DTNA: variants seen among roughly 807,000 people sequenced by gnomAD.
DTNA encodes the protein dystrobrevin alpha.
Under a neutral mutation model 100.7 loss-of-function variants are expected in DTNA, and 43 were observed. The observed-to-expected ratio is 0.43, with a 90% CI of 0.33 to 0.55. The LOEUF is 0.55. DTNA is among the 20% of genes least tolerant of loss of function. The pLI is 0.04. For synonymous variants in DTNA, 349 were observed against 347.9 expected (o/e 1.00, Z -0.04); for missense variants, 798 against 953.9 (o/e 0.84, Z 2.15).
At chr18:34,521,004 A>G (rs911969418) in intron 1 of DTNA, among the ~76,000 whole-genome samples, 1 of 152,236 alleles carries the variant, frequency 6.6e-6, no homozygotes, top group African/African-American at 2.4e-5. Flanking sequence ...GCCATCACTT[A>G]TTGAGCATTC....
chr18:34,572,996 A>C (rs369346529), intron 1 of DTNA, among the ~76,000 whole-genome samples: 1 of 152,234 alleles, frequency 6.6e-6, no homozygotes, highest in Non-Finnish European at 1.5e-5. Context: ...TAAAATAGAA[A>C]TAATGATTTC....
chr18:34,814,320 G>A (rs1263992356), intron 6 of DTNA, among the ~76,000 whole-genome samples: 1 of 152,120 alleles, frequency 6.6e-6, no homozygotes, highest in Non-Finnish European at 1.5e-5. Context: ...ATTGGTAAAT[G>A]TGCTAATGCC....
chr18:34,604,632 G>A (rs988070442), intron 1 of DTNA, among the ~76,000 whole-genome samples: 2 of 152,158 alleles, frequency 1.3e-5, no homozygotes, highest in Non-Finnish European at 2.9e-5. Flanking sequence ...TAGAACATTT[G>A]GAATGCTGAA....
At chr18:34,765,883 A>C in intron 2 of DTNA, 78 bp from the exon 3 acceptor site, 1 of 1,372,756 alleles carries the variant, frequency 7.3e-7, no homozygotes, top group Non-Finnish European at 1.0e-6. Flanking sequence ...TCATATCTAC[A>C]GTTGTTTTAT....
At chr18:34,853,151 C>T (rs1416590570) in intron 15 of DTNA, among the ~76,000 whole-genome samples, 1 of 152,106 alleles carries the variant, frequency 6.6e-6, no homozygotes, top group Non-Finnish European at 1.5e-5. Flanking sequence ...TGTACTAGGT[C>T]GGTGCAAATG....
chr18:34,706,237 C>T (rs529299522), upstream of DTNA, among the ~76,000 whole-genome samples: 6 of 152,242 alleles, frequency 3.9e-5, no homozygotes, highest in East Asian at 9.6e-4. Flanking sequence ...CATGAGCCAC[C>T]GCTCCCAGCC....
At chr18:34,635,336 G>T (rs2148216002) in intron 1 of DTNA, among the ~76,000 whole-genome samples, 1 of 152,274 alleles carries the variant, frequency 6.6e-6, no homozygotes, top group African/African-American at 2.4e-5. Context: ...TGGGAATGCA[G>T]ATATTTCTTT....
At chr18:34,782,326 T>C (rs1037695620) in intron 3 of DTNA, among the ~76,000 whole-genome samples, 2 of 152,232 alleles carry the variant, frequency 1.3e-5, no homozygotes, top group Non-Finnish European at 2.9e-5. Context: ...ATGAAAGCCA[T>C]GGACCTATGT....
chr18:34,793,916 C>T (rs1277533020), intron 3 of DTNA, 121 bp from the exon 4 acceptor site: 2 of 976,082 alleles, frequency 2.0e-6, no homozygotes, highest in African/African-American at 3.2e-5. Context: ...TTATGTTGAC[C>T]CCCTGCAACA....
chr18:34,540,985 C>A (rs1458915627), intron 1 of DTNA, among the ~76,000 whole-genome samples: 1 of 151,988 alleles, frequency 6.6e-6, no homozygotes, highest in African/African-American at 2.4e-5. Context: ...CCTGTTAAGC[C>A]AATTTAGGAA....
At chr18:34,753,361 A>ATTTTTTTTTTTTTTTTTTTT (rs751756097) in intron 1 of DTNA, among the ~76,000 whole-genome samples, 2 of 96,890 alleles carry the variant, frequency 2.1e-5, no homozygotes, top group African/African-American at 1.1e-4. Context: ...TTATTTATTT[A>ATTTTTTTTTTTTTTTTTTTT]TTTTATTTTT....
chr18:34,656,486 G>A (rs2074390538), intron 1 of DTNA, among the ~76,000 whole-genome samples: 1 of 152,178 alleles, frequency 6.6e-6, no homozygotes, highest in Admixed American at 6.5e-5. Context: ...TGAGCTGCCA[G>A]TCACCATTAA....
intron 1 of DTNA, among the ~76,000 whole-genome samples, chr18:34,599,245 A>T (rs2051275820): frequency 6.6e-6 from 1 of 152,232 alleles, no homozygotes; most frequent in Non-Finnish European, 1.5e-5. Flanking sequence ...GAATTTAATG[A>T]AATGTTCAAA....
intron 1 of DTNA, among the ~76,000 whole-genome samples, chr18:34,532,154 A>G (rs961931843): frequency 6.6e-6 from 1 of 152,138 alleles, no homozygotes; most frequent in Non-Finnish European, 1.5e-5. Context: ...ATGGGAGAGA[A>G]AGATGTATGC....
chr18:34,787,118 A>G (rs117589347), intron 3 of DTNA, among the ~76,000 whole-genome samples: 3,819 of 152,242 alleles, frequency 0.025, 60 homozygotes, highest in Middle Eastern at 0.058. Context: ...ATCACCAGGA[A>G]TCCATTTTAC....
intron 1 of DTNA, among the ~76,000 whole-genome samples, chr18:34,563,164 A>T (rs1226600122): frequency 3.3e-5 from 5 of 152,210 alleles, no homozygotes; most frequent in Non-Finnish European, 7.3e-5. Flanking sequence ...GGATGAGGTC[A>T]TACTGGATTA....
chr18:34,887,488 G>C (rs2096932625), intron 22 of DTNA, among the ~76,000 whole-genome samples: 1 of 152,290 alleles, frequency 6.6e-6, no homozygotes, highest in South Asian at 2.1e-4. Context: ...AAATATTTCT[G>C]TTTGTGTTGC....
Position 34,512,157 on chromosome 18 carries a change from CTT to C in DTNA, c.-2+18645_-2+18646del, listed in dbSNP as rs564181953. Among the ~76,000 whole-genome samples, 535 of 152,028 alleles carry C rather than the reference CTT, an allele frequency of 3.5e-3. 2 individuals carry two copies. Among genetic ancestry groups the C allele is most frequent in the African/African-American group, 0.012 (488 of 41,500 alleles). On this transcript the variant is annotated intron_variant, in intron 1 of 19. Transcript: ENST00000283365. Reference sequence around the variant, plus strand: ...GGCTCTAGGCTGTGTGTTTAGGAGACTTTGTTATAGGTTTAGGCAATGGAGTT... The same window carrying C: ...GGCTCTAGGCTGTGTGTTTAGGAGACTGTTATAGGTTTAGGCAATGGAGTT...
At chr18:34,873,346 G>A (rs901357148) in intron 17 of DTNA, among the ~76,000 whole-genome samples, 1 of 152,230 alleles carries the variant, frequency 6.6e-6, no homozygotes. Flanking sequence ...ACTCCCGGCT[G>A]TGTTTGGTCC....
Sources: gnomAD v4.1 joint callset for allele counts (sites outside exome capture counted in the v4.1 genomes callset) on GRCh38, gnomAD v4.1.1 for gene constraint, MANE v1.5 for transcripts, NCBI Gene and HGNC (gene_info 2026-07-23, HGNC 2026-07-21) for gene names.